The following STXBP5L variants were observed in gnomAD, a reference collection of about 807,000 sequenced individuals.
The protein encoded by STXBP5L is syntaxin-binding protein 5-like.
In STXBP5L, 65 loss-of-function variants were observed where a neutral mutation model predicts 144.5. The ratio of observed to expected loss-of-function variants is 0.45; its 90% confidence interval spans 0.37 to 0.55. STXBP5L has a LOEUF of 0.55. Ranked by LOEUF, STXBP5L falls within the 20% of genes least tolerant of loss-of-function variation. The pLI, the probability that STXBP5L is intolerant of heterozygous loss-of-function variation, is 0.00. For synonymous variants in STXBP5L, 505 were observed against 469.6 expected, an observed-to-expected ratio of 1.08 and a Z score of -0.97; for missense variants, 1,298 against 1,405.5, an observed-to-expected ratio of 0.92 and a Z score of 1.22.
At chr3:120,927,024 C>T (rs540345778) in intron 2 of STXBP5L, among the ~76,000 whole-genome samples, 9 of 151,786 alleles carry the variant, frequency 5.9e-5, no homozygotes, top group Admixed American at 5.2e-4. Flanking sequence ...CAACCTCCGC[C>T]TGCCAGGTTC....
At chr3:120,952,793 A>G (rs1559903398) in intron 2 of STXBP5L, among the ~76,000 whole-genome samples, 1 of 151,932 alleles carries the variant, frequency 6.6e-6, no homozygotes, top group Non-Finnish European at 1.5e-5. Context: ...AAGGGTGTGT[A>G]CAATTTTTAA....
At chr3:121,035,050 G>GT (rs1259740419) in intron 3 of STXBP5L, among the ~76,000 whole-genome samples, 1 of 151,974 alleles carries the variant, frequency 6.6e-6, no homozygotes, top group Non-Finnish European at 1.5e-5. Context: ...TCCTTTGCCT[G>GT]TTTTTTAATG....
intron 7 of STXBP5L, among the ~76,000 whole-genome samples, chr3:121,125,027 T>A (rs1260897881): frequency 6.6e-6 from 1 of 152,202 alleles, no homozygotes; most frequent in Non-Finnish European, 1.5e-5. Context: ...AATTTGTTAA[T>A]TTGTTGAATT....
intron 3 of STXBP5L, among the ~76,000 whole-genome samples, chr3:120,999,992 G>A (rs1230356303): frequency 6.6e-6 from 1 of 152,136 alleles, no homozygotes; most frequent in Non-Finnish European, 1.5e-5. Flanking sequence ...TTAGCCTGAT[G>A]GGGCTCCCTT....
chr3:120,990,027 T>C (rs1942680108), intron 3 of STXBP5L, among the ~76,000 whole-genome samples: 2 of 152,134 alleles, frequency 1.3e-5, no homozygotes, highest in Admixed American at 1.3e-4. Flanking sequence ...TGTCCCTGTT[T>C]GCAGACGACA....
chr3:120,913,414 G>A (rs1708948574), intron 2 of STXBP5L, among the ~76,000 whole-genome samples: 1 of 151,848 alleles, frequency 6.6e-6, no homozygotes. Flanking sequence ...AGCCATTAGT[G>A]AAAACCATTA....
chr3:121,048,664 C>G (rs565572009), intron 5 of STXBP5L, among the ~76,000 whole-genome samples: 1 of 151,810 alleles, frequency 6.6e-6, no homozygotes, highest in African/African-American at 2.4e-5. Flanking sequence ...AGTGTGTTTT[C>G]CACTCTATCA....
chr3:120,968,185 G>T (rs993437622), intron 3 of STXBP5L, among the ~76,000 whole-genome samples: 2 of 152,134 alleles, frequency 1.3e-5, no homozygotes, highest in African/African-American at 2.4e-5. Flanking sequence ...TCTGTCTAAT[G>T]CTGAACATGG....
intron 5 of STXBP5L, among the ~76,000 whole-genome samples, chr3:121,084,562 A>G (rs2042398953): frequency 6.6e-6 from 1 of 152,202 alleles, no homozygotes; most frequent in Admixed American, 6.5e-5. Flanking sequence ...GTTGCATAGT[A>G]TTCCATGGTG....
chr3:120,999,939 C>T (rs1408088836), intron 3 of STXBP5L, among the ~76,000 whole-genome samples: 1 of 152,162 alleles, frequency 6.6e-6, no homozygotes, highest in Non-Finnish European at 1.5e-5. Flanking sequence ...TATAGGCCCC[C>T]AGTCTTTTCT....
At chr3:120,971,664 T>C (rs574185260) in intron 3 of STXBP5L, among the ~76,000 whole-genome samples, 24 of 149,618 alleles carry the variant, frequency 1.6e-4, no homozygotes, top group East Asian at 5.9e-4. Context: ...CACACACACA[T>C]ATACATTCAT....
chr3:121,041,870 A>G lies in STXBP5L; in HGVS notation c.369+89A>G, dbSNP rs1440996329. The G allele has an allele frequency of 4.8e-6, 4 of 840,768 alleles. No individual in the cohort carries two copies. The East Asian group carries it at 1.0e-4, about 22-fold the overall frequency. 52.1% of individuals were successfully genotyped at this position (840,768 alleles called of 1,614,324 possible). A position where few individuals can be genotyped will look rare whatever the true frequency, so the allele number is the denominator to read the frequency against. On this transcript the variant is annotated intron_variant, in intron 4 of 26. Transcript: ENST00000471454. ...GTAATCTTTTAAATACTGTGATTCT[A>G]AATGCTTAAATATATATGCATGCAA... is the stretch of plus-strand genomic sequence containing the variant.
At position 121,275,874 on chromosome 3, in the gene STXBP5L, G is replaced by A. The variant is rs117181689; in HGVS notation, c.1959-3931G>A. Among the ~76,000 whole-genome samples the A allele has an allele frequency of 2.0e-5, 3 of 151,932 alleles. No individual in the cohort carries two copies. The East Asian group carries it at 5.8e-4, about 29-fold the overall frequency. On this transcript the variant is annotated intron_variant, in intron 18 of 26. Transcript: ENST00000471454. The stretch of plus-strand genomic sequence containing the variant: ...TTAAATTAGTGTTTTCATTGTAAAT[G>A]TTTTCCATCATTTCGCTTTATATTT...
chr3:121,243,131 A>G (rs1438451506), intron 14 of STXBP5L, among the ~76,000 whole-genome samples: 1 of 152,132 alleles, frequency 6.6e-6, no homozygotes, highest in African/African-American at 2.4e-5. Flanking sequence ...AGATATACAC[A>G]ATGTTCTGGA....
chr3:121,347,268 T>A (rs540948937), intron 20 of STXBP5L, among the ~76,000 whole-genome samples: 2 of 152,176 alleles, frequency 1.3e-5, no homozygotes, highest in East Asian at 1.9e-4. Context: ...GTTGTAGATA[T>A]GTGGCATTAT....
intron 20 of STXBP5L, among the ~76,000 whole-genome samples, chr3:121,345,910 A>G (rs1346986977): frequency 6.6e-6 from 1 of 151,826 alleles, no homozygotes; most frequent in African/African-American, 2.4e-5. Context: ...ACCACTGTTA[A>G]TGATTTAGTC....
chr3:121,269,972 C>A (rs1260574024), intron 18 of STXBP5L, among the ~76,000 whole-genome samples: 2 of 152,076 alleles, frequency 1.3e-5, no homozygotes, highest in Non-Finnish European at 2.9e-5. Context: ...GTGTTACTTG[C>A]CATTTGAGTC....
intron 8 of STXBP5L, among the ~76,000 whole-genome samples, chr3:121,155,191 G>C (rs2046069079): frequency 6.6e-6 from 1 of 151,758 alleles, no homozygotes; most frequent in South Asian, 2.1e-4. Context: ...TGAGATTTAA[G>C]GTCCTAGTGC....
chr3:121,141,675 T>A (rs995249145), intron 7 of STXBP5L, among the ~76,000 whole-genome samples: 7 of 152,138 alleles, frequency 4.6e-5, no homozygotes, highest in Non-Finnish European at 1.0e-4. Context: ...AGAGTTTTGG[T>A]ATACTATTGA....
Sources: gnomAD v4.1 joint callset for allele counts (sites outside exome capture counted in the v4.1 genomes callset) on GRCh38, gnomAD v4.1.1 for gene constraint, MANE v1.5 for transcripts, NCBI Gene and HGNC (gene_info 2026-07-23, HGNC 2026-07-21) for gene names.